PTCH2: variants seen among roughly 807,000 people sequenced by gnomAD.
PTCH2 encodes patched 2.
Under a neutral mutation model 117.9 loss-of-function variants are expected in PTCH2, and 96 were observed. The ratio of observed to expected loss-of-function variants is 0.81; its 90% confidence interval spans 0.69 to 0.96. PTCH2 has a LOEUF of 0.96. Ranked by LOEUF, PTCH2 falls within the 50% of genes least tolerant of loss-of-function variation. The pLI is 0.00. For missense variants in PTCH2, 1,379 were observed against 1,562.5 expected (o/e 0.88, Z 1.98); for synonymous variants, 615 against 660.9 (o/e 0.93, Z 1.06).
chr1:44,824,678 A>AT (rs1016434312), intron 19 of PTCH2, among the ~76,000 whole-genome samples: 5 of 151,664 alleles, frequency 3.3e-5, no homozygotes, highest in South Asian at 2.1e-4. Flanking sequence ...TTTAAAAAAA[A>AT]TTTTTTTTCT....
At chr1:44,837,166 A>G (rs577575650) in intron 2 of PTCH2, among the ~76,000 whole-genome samples, 1 of 152,228 alleles carries the variant, frequency 6.6e-6, no homozygotes, top group South Asian at 2.1e-4. Context: ...AGAATAATAA[A>G]TCAATCTTCT....
intron 19 of PTCH2, among the ~76,000 whole-genome samples, chr1:44,825,689 G>C (rs1653112246): frequency 6.6e-6 from 1 of 151,764 alleles, no homozygotes; most frequent in South Asian, 2.1e-4. Flanking sequence ...ACCACGCCCA[G>C]CTAATTTTTG....
At chr1:44,837,131 G>A (rs1653723578) in intron 2 of PTCH2, among the ~76,000 whole-genome samples, 1 of 152,174 alleles carries the variant, frequency 6.6e-6, no homozygotes, top group Non-Finnish European at 1.5e-5. Flanking sequence ...CGAATTAACT[G>A]AATTAACCAG....
rs565736030 is a variant in PTCH2, at chr1:44,827,699, G to A, written c.2074C>T (p.Leu692Phe). The A allele has an allele frequency of 6.2e-6, 10 of 1,611,438 alleles. No homozygotes were observed. Among genetic ancestry groups the A allele is most frequent in the Middle Eastern group, 3.3e-4 (2 of 6,062 alleles). Residue 692 changes from leucine to phenylalanine, a missense_variant, in exon 15 of 22, where the codon CTC (leucine) becomes TTC (phenylalanine). Leu to Phe is a conservative substitution (Grantham distance 22). Coordinates refer to ENST00000372192, the MANE Select transcript of PTCH2 (RefSeq NM_003738.5). ...QSHAKAIVLV[L>F]FGALLGLSLY... ...CTCAGGCCCAGAAGAGCACCAAAGAGCACCAGCACGATGGCCTGCGGGATG... is the reference window on the plus strand; with the variant it reads ...CTCAGGCCCAGAAGAGCACCAAAGAACACCAGCACGATGGCCTGCGGGATG...
Position 44,829,691 on chromosome 1 carries a change from A to G in PTCH2, c.1006T>C (p.Tyr336His), listed in dbSNP as rs1335908247. ...RQLYEHFRGD[Y>H]QTHDIGWSEE... ...CTCCAGCCAATGTCATGTGTCTGAT[A>G]GTCACCCCGGAAATGCTCGTACAGC... Residue 336 changes from tyrosine to histidine, a missense_variant, in exon 8 of 22, where the codon TAT becomes CAT. Transcript: ENST00000372192. 3 of 1,614,102 alleles carry G rather than the reference A, an allele frequency of 1.9e-6. No individual in the cohort carries two copies. The highest frequency in any genetic ancestry group is 2.5e-6 in the Non-Finnish European group (3 of 1,180,046).
intron 21 of PTCH2, 52 bp from the exon 22 acceptor site, chr1:44,822,721 C>T: frequency 1.9e-6 from 3 of 1,565,496 alleles, no homozygotes; most frequent in Non-Finnish European, 2.6e-6. Flanking sequence ...GGGCTCCCGT[C>T]CCCTTTAGCA....
Position 44,828,352 on chromosome 1 carries a change from G to A in PTCH2, c.1653C>T (p.Ser551=), listed in dbSNP as rs781244998. 3 of 1,614,196 alleles carry A rather than the reference G, an allele frequency of 1.9e-6. No homozygotes were observed. ...AVMLVFPAIL[S]LDLRRRHCQR... ...GGCAGTGGCGCCGCCGTAGGTCCAG[G>A]CTGAGGATGGCTGGGAAGACAAGCA... Residue 551 remains serine, a synonymous_variant, in exon 13 of 22, where the codon AGC becomes AGT. Coordinates refer to ENST00000372192, the MANE Select transcript of PTCH2 (RefSeq NM_003738.5).
rs1049941528 is a variant in PTCH2 at position 44,822,520 on chromosome 1, CA to C, written c.3506del (p.Leu1169ArgfsTer85). 45 of 1,613,786 alleles carry C rather than the reference CA, an allele frequency of 2.8e-5. No individual in the cohort carries two copies. Among genetic ancestry groups the C allele is most frequent in the Non-Finnish European group, 3.6e-5 (43 of 1,179,928 alleles). ...GGGCTGGATGGATGTAGGCACCAGG[CA>C]GGGGGGGTGGGTGGATGGCCACGGT... is the stretch of plus-strand genomic sequence containing the variant. ...SMTVAIHPPP[L>X]PGAYIHPAPD... On this transcript the variant is annotated frameshift_variant, in exon 22 of 22. Transcript: ENST00000372192. LOFTEE classifies it low-confidence loss of function (END_TRUNC).
chr1:44,820,613 C>T (rs769009116), downstream of PTCH2: 162 of 692,526 alleles, frequency 2.3e-4, no homozygotes, highest in Non-Finnish European at 3.9e-4. Flanking sequence ...ATTAGGGACC[C>T]GAAGACCAAT....
chr1:44,826,891 C>T lies in PTCH2; in HGVS notation c.2695+11G>A, dbSNP rs373843383. 5.6e-5 allele frequency: 90 copies of T among 1,613,822 alleles called. No homozygotes were observed. Among genetic ancestry groups the T allele is most frequent in the South Asian group, 9.9e-5 (9 of 91,082 alleles). On this transcript the variant is annotated intron_variant, in intron 17 of 21. Transcript: ENST00000372192. This position sits in a 1 kb window ranked among gnomAD's most constrained non-coding sequence, Gnocchi z 5.1. ...GGCTGAGGCTCTTGCCGAGCTCCCC[C>T]CAAGACTCACTGCGAAGGTTCTCCC...
At position 44,838,865 on chromosome 1, in the gene PTCH2, G is replaced by A. The variant is rs947085894; in HGVS notation, c.265+2982C>T. On this transcript the variant is annotated intron_variant, in intron 2 of 21. Transcript: ENST00000372192. ...CTCTGGAGTAGCTGGGACTACAGGC[G>A]CGAACCACCGCACTTGGCTAATTTT... 3.9e-5 allele frequency among the ~76,000 whole-genome samples: 6 copies of A among 152,004 alleles called. 1 individual carries two copies. The South Asian group carries it at 8.3e-4, about 21-fold the overall frequency.
At chr1:44,828,693 G>C (rs532382318) in intron 11 of PTCH2, 62 bp from the exon 12 acceptor site, 1 of 1,578,008 alleles carries the variant, frequency 6.3e-7, no homozygotes, top group Non-Finnish European at 8.6e-7. Flanking sequence ...TCAAAGTGGA[G>C]TGAAGGGGAG....
At chr1:44,825,896 G>T (rs1389650709) in intron 19 of PTCH2, among the ~76,000 whole-genome samples, 1 of 142,150 alleles carries the variant, frequency 7.0e-6, no homozygotes, top group East Asian at 2.1e-4. Flanking sequence ...TGCCCAGGCT[G>T]GAGTGCAATG....
rs201668108 is a variant in PTCH2, at chr1:44,842,864, G to A, written c.69C>T (p.Pro23=). 3 of 1,550,558 alleles carry A rather than the reference G, an allele frequency of 1.9e-6. No individual in the cohort carries two copies. The East Asian group carries it at 7.3e-5, about 38-fold the overall frequency. ...TTCCAGCTCCCCCTCTACTCACCTG[G>A]GGTGCTGCGGTTCGAGCTGGGGGTG... The part of the protein sequence containing the change: ...SYTPPARTAA[P]QILAGSLKAP... The change falls in exon 1 of 22, where the codon CCC becomes CCT. Residue 23 remains proline, a synonymous_variant. Transcript: ENST00000372192.
Position 44,831,903 on chromosome 1 carries a change from G to A in PTCH2, c.525+72C>T. The stretch of plus-strand genomic sequence containing the variant: ...TAAGGGGGCAGATTGCAGGCTGTGG[G>A]GCTTGCTCGGTCTCTGAGTCCTCCC... On this transcript the variant is annotated intron_variant, in intron 4 of 21. Transcript: ENST00000372192. The surrounding 1 kb of genome is among the most constrained non-coding windows in gnomAD (Gnocchi z 4.3). The A allele has an allele frequency of 1.9e-6, 3 of 1,570,936 alleles. No individual in the cohort carries two copies. The highest frequency in any genetic ancestry group is 1.8e-6 in the Non-Finnish European group (2 of 1,140,842).
intron 2 of PTCH2, among the ~76,000 whole-genome samples, chr1:44,839,089 A>G (rs1653816041): frequency 6.6e-6 from 1 of 151,920 alleles, no homozygotes; most frequent in Non-Finnish European, 1.5e-5. Flanking sequence ...ATGAAAAAAA[A>G]GATTGGCCTA....
At chr1:44,824,055 C>T (rs1653034173) in intron 19 of PTCH2, among the ~76,000 whole-genome samples, 1 of 152,126 alleles carries the variant, frequency 6.6e-6, no homozygotes, top group African/African-American at 2.4e-5. Flanking sequence ...ATTGTCTAGA[C>T]AATTTTGTGC....
intron 2 of PTCH2, among the ~76,000 whole-genome samples, chr1:44,840,925 G>A (rs763715390): frequency 2.7e-5 from 4 of 150,398 alleles, no homozygotes; most frequent in East Asian, 4.0e-4. Context: ...TTAGCTGGGT[G>A]TGGTGGCGCA....
chr1:44,839,361 CAAAAA>C (rs57053705), intron 2 of PTCH2, among the ~76,000 whole-genome samples: 2 of 75,656 alleles, frequency 2.6e-5, no homozygotes, highest in Admixed American at 2.8e-4. Context: ...GACTTACTCT[CAAAAA>C]AAAAAAAAAA....
Sources: gnomAD v4.1 joint callset for allele counts (sites outside exome capture counted in the v4.1 genomes callset) on GRCh38, gnomAD v4.1.1 for gene constraint, Gnocchi (gnomAD v3.1) non-coding constraint, MANE v1.5 for transcripts, NCBI Gene and HGNC (gene_info 2026-07-23, HGNC 2026-07-21) for gene names.